ROCK2: variants seen among roughly 807,000 people sequenced by gnomAD.
ROCK2 encodes the protein rho-associated protein kinase 2.
Under a neutral mutation model 195.1 loss-of-function variants are expected in ROCK2, and 61 were observed. That is an observed-to-expected ratio of 0.31 (90% CI 0.25 to 0.39). The LOEUF is 0.39. Among genes scored for constraint, ROCK2 ranks in the 10% least tolerant of loss-of-function variants. The pLI is 1.00. For synonymous variants in ROCK2, 504 were observed against 545.5 expected, an observed-to-expected ratio of 0.92 and a Z score of 1.06; for missense variants, 1,109 against 1,637.4, an observed-to-expected ratio of 0.68 and a Z score of 5.57.
intron 9 of ROCK2, among the ~76,000 whole-genome samples, chr2:11,219,702 A>G (rs949297753): frequency 9.2e-5 from 14 of 151,474 alleles, no homozygotes; most frequent in Non-Finnish European, 1.6e-4. Flanking sequence ...CGGTACAATC[A>G]TAGCTCCCTG....
Position 11,218,478 on chromosome 2 carries a change from A to G in ROCK2, c.1321-12T>C, listed in dbSNP as rs748672231. 8.7e-6 allele frequency: 13 copies of G among 1,499,298 alleles called. No homozygotes were observed. The East Asian group carries it at 3.0e-4, about 34-fold the overall frequency. The allele number at this position is 1,499,298 out of a possible 1,614,324, so 92.9% of individuals were successfully genotyped here. ...ACCTCTTGACTTTCCTATTTAAAACAAAACAGAAAACACATTAAAATACTA... is the reference window on the plus strand; with the variant it reads ...ACCTCTTGACTTTCCTATTTAAAACGAAACAGAAAACACATTAAAATACTA... On this transcript the variant is annotated splice_polypyrimidine_tract_variant and intron_variant, in intron 10 of 32. Transcript: ENST00000315872.
chr2:11,256,386 A>G (rs1035048198), intron 3 of ROCK2, among the ~76,000 whole-genome samples: 2 of 151,090 alleles, frequency 1.3e-5, no homozygotes, highest in Non-Finnish European at 2.9e-5. Context: ...TTCTCTGGCC[A>G]CGTAAGACGT....
intron 30 of ROCK2, 73 bp downstream of exon 30, chr2:11,193,706 C>A: frequency 1.3e-6 from 1 of 777,934 alleles, no homozygotes; most frequent in Non-Finnish European, 2.1e-6. Flanking sequence ...CATGTCATGT[C>A]ACTTGAGAAC....
rs946223467 is a variant in ROCK2 at position 11,197,902 on chromosome 2, G to A, written c.3100-197C>T. The stretch of plus-strand genomic sequence containing the variant: ...TACTCATCATCCTTCTCCATCCAAT[G>A]AGCCATTAGATTTTTACTCGTGTTT... On this transcript the variant is annotated intron_variant, in intron 25 of 32. Transcript: ENST00000315872. The surrounding 1 kb of genome is among the most constrained non-coding windows in gnomAD (Gnocchi z 4.9). 1.6e-4 allele frequency among the ~76,000 whole-genome samples: 24 copies of A among 151,956 alleles called. No individual in the cohort carries two copies. Among genetic ancestry groups the A allele is most frequent in the African/African-American group, 5.6e-4 (23 of 41,346 alleles).
chr2:11,238,747 G>A (rs889157749), intron 4 of ROCK2, among the ~76,000 whole-genome samples: 1 of 152,106 alleles, frequency 6.6e-6, no homozygotes, highest in Admixed American at 6.5e-5. Flanking sequence ...TTGGGAGGCT[G>A]AGGTGGGAAG....
intron 1 of ROCK2, among the ~76,000 whole-genome samples, chr2:11,320,199 A>AG (rs1668358870): frequency 6.6e-6 from 1 of 152,126 alleles, no homozygotes; most frequent in East Asian, 1.9e-4. Flanking sequence ...ATCACACACA[A>AG]CAACAAAACT....
At chr2:11,236,360 C>G (rs1665203885) in intron 4 of ROCK2, among the ~76,000 whole-genome samples, 1 of 152,072 alleles carries the variant, frequency 6.6e-6, no homozygotes, top group Admixed American at 6.5e-5. Flanking sequence ...CAGAAAAGAG[C>G]AGAGGAGGTA....
At chr2:11,184,787 T>C (rs1053760680) in intron 32 of ROCK2, 62 of 979,644 alleles carry the variant, frequency 6.3e-5, no homozygotes, top group Admixed American at 1.2e-4. Flanking sequence ...AGGAGGTTTG[T>C]AAATTTATAC....
At chr2:11,193,585 A>T (rs1392350800) in intron 30 of ROCK2, among the ~76,000 whole-genome samples, 194 bp downstream of exon 30, 2 of 152,224 alleles carry the variant, frequency 1.3e-5, no homozygotes, top group African/African-American at 4.8e-5. Context: ...AAAGGAATGA[A>T]AACGTTCCCA....
intron 1 of ROCK2, among the ~76,000 whole-genome samples, chr2:11,288,163 T>TC (rs1172106773): frequency 6.6e-6 from 1 of 152,168 alleles, no homozygotes; most frequent in Admixed American, 6.6e-5. Context: ...AATAACACCA[T>TC]CCTTACCCTC....
intron 4 of ROCK2, among the ~76,000 whole-genome samples, chr2:11,246,778 T>C (rs906376832): frequency 6.6e-6 from 1 of 152,158 alleles, no homozygotes; most frequent in Admixed American, 6.5e-5. Context: ...AAATAAGAGC[T>C]GAGATTTGGA....
chr2:11,195,443 A>G (rs139256361), intron 27 of ROCK2, among the ~76,000 whole-genome samples: 1 of 152,294 alleles, frequency 6.6e-6, no homozygotes, highest in Non-Finnish European at 1.5e-5. Flanking sequence ...AATATTTTAA[A>G]TAATTACGTG....
Position 11,257,105 on chromosome 2 carries a change from C to T in ROCK2, c.325-7307G>A, listed in dbSNP as rs151198782. On this transcript the variant is annotated intron_variant, in intron 3 of 32. Coordinates refer to ENST00000315872, the MANE Select transcript of ROCK2 (RefSeq NM_004850.5). ...TTACAAAGATTATATTAATAGATTA[C>T]ATCACTTCTCATTTTAAAATATTTT... Among the ~76,000 whole-genome samples the T allele has an allele frequency of 9.2e-5, 14 of 151,616 alleles. 1 individual carries two copies. Among genetic ancestry groups the T allele is most frequent in the African/African-American group, 3.4e-4 (14 of 40,906 alleles).
rs1301365256 is a variant in ROCK2, at chr2:11,214,505, G to A, written c.1937-42C>T. The stretch of plus-strand genomic sequence containing the variant: ...TTTTTTAAAACATTAAACCCACAAA[G>A]TATATACATTCAATTAGGAATAAAA... On this transcript the variant is annotated intron_variant, in intron 16 of 32. Coordinates refer to ENST00000315872, the MANE Select transcript of ROCK2 (RefSeq NM_004850.5). 23 of 1,107,956 alleles carry A rather than the reference G, an allele frequency of 2.1e-5. No homozygotes were observed. The Admixed American group carries it at 4.7e-4, about 23-fold the overall frequency. The allele number at this position is 1,107,956 out of a possible 1,614,324, so 68.6% of individuals were successfully genotyped here.
intron 1 of ROCK2, among the ~76,000 whole-genome samples, chr2:11,313,075 C>T (rs1668085500): frequency 6.6e-6 from 1 of 151,972 alleles, no homozygotes; most frequent in Non-Finnish European, 1.5e-5. Flanking sequence ...TCTGTCAAAA[C>T]CCAAACAAAT....
At position 11,197,556 on chromosome 2, in the gene ROCK2, C is replaced by T; in HGVS notation, c.3249G>A (p.Lys1083=). The T allele has an allele frequency of 6.2e-7, 1 of 1,613,188 alleles. No individual in the cohort carries two copies. The highest frequency in any genetic ancestry group is 8.5e-7 in the Non-Finnish European group (1 of 1,179,708). Residue 1083 remains lysine, a synonymous_variant, in exon 26 of 33, where the codon AAG becomes AAA. Transcript: ENST00000315872. The surrounding 1 kb of genome is among the most constrained non-coding windows in gnomAD (Gnocchi z 4.9). Reference sequence around the variant, plus strand: ...GCATTTCATTCAGTTCTTTCTGATACTTGATCATCTGCTGGGTCAATTTCT... The same window carrying T: ...GCATTTCATTCAGTTCTTTCTGATATTTGATCATCTGCTGGGTCAATTTCT... ...EREKLTQQMI[K]YQKELNEMQA...
chr2:11,214,036 G>C (rs1425985244), intron 17 of ROCK2, among the ~76,000 whole-genome samples: 1 of 152,128 alleles, frequency 6.6e-6, no homozygotes, highest in Non-Finnish European at 1.5e-5. Flanking sequence ...CAAAAGTCAT[G>C]GTGACTTTAT....
At chr2:11,266,807 T>G (rs1424391483) in intron 3 of ROCK2, among the ~76,000 whole-genome samples, 3 of 152,140 alleles carry the variant, frequency 2.0e-5, no homozygotes, top group Non-Finnish European at 4.4e-5. Flanking sequence ...AACCAAGAAT[T>G]AAAGCTAAAA....
At chr2:11,254,723 C>A (rs1318485192) in intron 3 of ROCK2, among the ~76,000 whole-genome samples, 2 of 34,412 alleles carry the variant, frequency 5.8e-5, no homozygotes, top group Non-Finnish European at 1.1e-4. Flanking sequence ...GAGACCCTGT[C>A]TCTTAAAAAA....
Sources: gnomAD v4.1 joint callset for allele counts (sites outside exome capture counted in the v4.1 genomes callset) on GRCh38, gnomAD v4.1.1 for gene constraint, Gnocchi (gnomAD v3.1) non-coding constraint, MANE v1.5 for transcripts, NCBI Gene and HGNC (gene_info 2026-07-23, HGNC 2026-07-21) for gene names.